NOA1: variants seen among roughly 807,000 people sequenced by gnomAD.
The protein encoded by NOA1 is nitric oxide associated 1.
NOA1 carries 35 observed loss-of-function variants against 58.4 expected under a neutral mutation model. The ratio of observed to expected loss-of-function variants is 0.60; its 90% CI spans 0.46 to 0.79. The LOEUF is 0.79. Among genes scored for constraint, NOA1 ranks in the 30% least tolerant of loss-of-function variants. The pLI, the probability that NOA1 is intolerant of heterozygous loss-of-function variation, is 0.00. For missense variants in NOA1, 895 were observed against 894.6 expected, an observed-to-expected ratio of 1.00 and a Z score of -0.01; for synonymous variants, 397 against 373.4, an observed-to-expected ratio of 1.06 and a Z score of -0.73.
Position 56,976,804 on chromosome 4 carries a change from C to T in NOA1, c.782G>A (p.Arg261Gln), listed in dbSNP as rs750939357. The T allele has an allele frequency of 1.2e-6, 2 of 1,610,692 alleles. No homozygotes were observed. The highest frequency in any genetic ancestry group is 1.7e-6 in the Non-Finnish European group (2 of 1,178,088). ...DLLPQDAPGY[R>Q]QRLRERLWED... ...CCACAGTCGCTCCCGCAGCCTCTGCCGGTAGCCAGGAGCATCCTGGGGCAG... is the reference window on the plus strand; with the variant it reads ...CCACAGTCGCTCCCGCAGCCTCTGCTGGTAGCCAGGAGCATCCTGGGGCAG... Residue 261 changes from arginine (R) to glutamine (Q), a missense_variant, in exon 1 of 7, where the codon CGG becomes CAG. Coordinates refer to ENST00000264230, the MANE Select transcript of NOA1 (RefSeq NM_032313.4).
Position 56,977,496 on chromosome 4 carries a change from C to G in NOA1, c.90G>C (p.Pro30=). 12 of 1,613,680 alleles carry G rather than the reference C, an allele frequency of 7.4e-6. No homozygotes were observed. Among genetic ancestry groups the G allele is most frequent in the Non-Finnish European group, 9.3e-6 (11 of 1,179,994 alleles). Reference sequence around the variant, plus strand: ...CGGCAGCGCACCTCCTCTCCAGGAGCGGCTCCCGGAGGCCATGGCGCGCTG... The same window carrying G: ...CGGCAGCGCACCTCCTCTCCAGGAGGGGCTCCCGGAGGCCATGGCGCGCTG... ...PTAARHGLRE[P]LLERRCAAAS... Residue 30 remains proline (P), a synonymous_variant, in exon 1 of 7, where the codon CCG becomes CCC. Transcript: ENST00000264230.
chr4:56,970,697 A>G (rs543652255), intron 3 of NOA1, among the ~76,000 whole-genome samples: 1 of 152,120 alleles, frequency 6.6e-6, no homozygotes, highest in East Asian at 2.0e-4. Context: ...CCTGGGCTCA[A>G]GCAATCCTCC....
chr4:56,966,566 G>T, intron 5 of NOA1, 54 bp downstream of exon 5: 1 of 1,041,110 alleles, frequency 9.6e-7, no homozygotes, highest in South Asian at 1.3e-5. Context: ...AGAGCTATGG[G>T]ACCATCCCAG....
rs748684700 is a variant in NOA1 at position 56,976,438 on chromosome 4, T to C, written c.1144+4A>G. 1.9e-6 allele frequency: 3 copies of C among 1,609,790 alleles called. No individual in the cohort carries two copies. In the African/African-American group the frequency reaches 4.0e-5, roughly 22 times the overall value. ...ACGAAGAGGGCGAGCCTCCTAAAAC[T>C]CACCTGGCCAAGGGGAGATGGTGGC... is the stretch of plus-strand genomic sequence containing the variant. On this transcript the variant is annotated splice_donor_region_variant and intron_variant, in intron 1 of 6. Transcript: ENST00000264230.
At chr4:56,969,937 T>C (rs989059249) in intron 3 of NOA1, among the ~76,000 whole-genome samples, 2 of 136,310 alleles carry the variant, frequency 1.5e-5, no homozygotes, top group African/African-American at 2.8e-5. Context: ...TGCGCCACCA[T>C]GCTTGGCTAA....
intron 3 of NOA1, among the ~76,000 whole-genome samples, chr4:56,969,298 C>T (rs760233924): frequency 3.3e-5 from 5 of 152,318 alleles, no homozygotes; most frequent in Non-Finnish European, 5.9e-5. Context: ...AGAGGCTGGG[C>T]GCGGTGGCTC....
chr4:56,968,200 G>A (rs1366153322), intron 4 of NOA1, among the ~76,000 whole-genome samples, 184 bp downstream of exon 4: 1 of 152,158 alleles, frequency 6.6e-6, no homozygotes, highest in Non-Finnish European at 1.5e-5. Context: ...TTACAGGTGT[G>A]AGCCACTGTG....
chr4:56,976,770 A>T lies in NOA1; in HGVS notation c.816T>A (p.Cys272Ter). The change falls in exon 1 of 7, where the codon TGT (cysteine) becomes TGA (stop). Residue 272 changes from cysteine to a stop codon, truncating the protein, a stop_gained. Coordinates refer to ENST00000264230, the MANE Select transcript of NOA1 (RefSeq NM_032313.4). LOFTEE classifies it high-confidence loss of function. ...QRLRERLWED[C>*]ARAGLLLAPG... ...GGGCCAGCAGGAGCCCGGCGCGGGCACAGTCCTCCCACAGTCGCTCCCGCA... is the reference window on the plus strand; with the variant it reads ...GGGCCAGCAGGAGCCCGGCGCGGGCTCAGTCCTCCCACAGTCGCTCCCGCA... The T allele has an allele frequency of 6.2e-7, 1 of 1,609,502 alleles. No homozygotes were observed. Among genetic ancestry groups the T allele is most frequent in the Non-Finnish European group, 8.5e-7 (1 of 1,177,350 alleles).
rs1475293574 is a variant in NOA1 at position 56,976,814 on chromosome 4, G to A, written c.772C>T (p.Pro258Ser). Residue 258 changes from proline to serine, a missense_variant, in exon 1 of 7, where the codon CCT (proline) becomes TCT (serine). By Grantham distance (74) the Pro-to-Ser change is moderately conservative. This residue lies in a region of NOA1 where 680 missense variants were observed against 656.5 expected (regional missense o/e 1.04). Coordinates refer to ENST00000264230, the MANE Select transcript of NOA1 (RefSeq NM_032313.4). Reference protein sequence around the residue: ...NKVDLLPQDAPGYRQRLRERL... With the variant: ...NKVDLLPQDASGYRQRLRERL... ...TCCCGCAGCCTCTGCCGGTAGCCAGGAGCATCCTGGGGCAGGAGGTCCACT... is the reference window on the plus strand; with the variant it reads ...TCCCGCAGCCTCTGCCGGTAGCCAGAAGCATCCTGGGGCAGGAGGTCCACT... The A allele has an allele frequency of 1.2e-6, 2 of 1,611,532 alleles. No individual in the cohort carries two copies. The highest frequency in any genetic ancestry group is 1.7e-6 in the Non-Finnish European group (2 of 1,178,634).
At chr4:56,966,023 T>TC (rs1721700660) in intron 5 of NOA1, among the ~76,000 whole-genome samples, 2 of 137,956 alleles carry the variant, frequency 1.4e-5, no homozygotes, top group Non-Finnish European at 3.1e-5. Flanking sequence ...ATTTTCTTTT[T>TC]TTTTTTTTTT....
chr4:56,976,894 AGCAGGG>A lies in NOA1; in HGVS notation c.686_691del (p.Ala229_Leu231delinsVal). The A allele has an allele frequency of 6.2e-7, 1 of 1,612,840 alleles. No homozygotes were observed. The highest frequency in any genetic ancestry group is 8.5e-7 in the Non-Finnish European group (1 of 1,179,824). ...GCCCACCAGCGCGGGCAAGTCGGGC[AGCAGGG>A]CGTCGGGCAGGTCCAGCAGGTCCAC... On this transcript the variant is annotated inframe_deletion, in exon 1 of 7. Transcript: ENST00000264230.
At position 56,976,822 on chromosome 4, in the gene NOA1, T is replaced by TG; in HGVS notation, c.763dup (p.Gln255ProfsTer102). On this transcript the variant is annotated frameshift_variant, in exon 1 of 7. Coordinates refer to ENST00000264230, the MANE Select transcript of NOA1 (RefSeq NM_032313.4). LOFTEE classifies it high-confidence loss of function. ...CCTCTGCCGGTAGCCAGGAGCATCCTGGGGCAGGAGGTCCACTTTGTTTCC... is the reference window on the plus strand; with the variant it reads ...CCTCTGCCGGTAGCCAGGAGCATCCTGGGGGCAGGAGGTCCACTTTGTTTCC... 6.2e-7 allele frequency: 1 copy of TG among 1,612,290 alleles called. No homozygotes were observed. The highest frequency in any genetic ancestry group is 8.5e-7 in the Non-Finnish European group (1 of 1,179,242).
Position 56,976,440 on chromosome 4 carries a change from A to T in NOA1, c.1144+2T>A. 1.2e-6 allele frequency: 2 copies of T among 1,610,594 alleles called. No individual in the cohort carries two copies. Among genetic ancestry groups the T allele is most frequent in the Non-Finnish European group, 1.7e-6 (2 of 1,177,358 alleles). Reference sequence around the variant, plus strand: ...GAAGAGGGCGAGCCTCCTAAAACTCACCTGGCCAAGGGGAGATGGTGGCTC... The same window carrying T: ...GAAGAGGGCGAGCCTCCTAAAACTCTCCTGGCCAAGGGGAGATGGTGGCTC... On this transcript the variant is annotated splice_donor_variant, in intron 1 of 6. Transcript: ENST00000264230. LOFTEE classifies it high-confidence loss of function.
chr4:56,972,308 A>G (rs1721824623), intron 3 of NOA1, among the ~76,000 whole-genome samples: 1 of 152,258 alleles, frequency 6.6e-6, no homozygotes, highest in Non-Finnish European at 1.5e-5. Flanking sequence ...TGTTTCCTAC[A>G]GCACAGCTGT....
At chr4:56,971,087 T>G (rs1048731470) in intron 3 of NOA1, among the ~76,000 whole-genome samples, 1 of 151,758 alleles carries the variant, frequency 6.6e-6, no homozygotes, top group African/African-American at 2.4e-5. Context: ...CTGAAGTGGG[T>G]GGATTACCTG....
Position 56,973,762 on chromosome 4 carries a change from C to A in NOA1, c.1309+96G>T, listed in dbSNP as rs547516451. ...GAATAAGGAAGGCAGTCTCTCCCCA[C>A]AAAAACTGGCTAGCCTCGGACAGCT... On this transcript the variant is annotated intron_variant, in intron 2 of 6. Transcript: ENST00000264230. 3.1e-4 allele frequency: 393 copies of A among 1,275,204 alleles called. 3 individuals carry two copies. The East Asian group carries it at 9.1e-3, about 29-fold the overall frequency. 79.0% of individuals were successfully genotyped at this position (1,275,204 alleles called of 1,614,324 possible).
chr4:56,977,581 A>T lies in NOA1; in HGVS notation c.5T>A (p.Leu2Gln), dbSNP rs774738644. The T allele has an allele frequency of 6.3e-7, 1 of 1,576,922 alleles. No homozygotes were observed. Among genetic ancestry groups the T allele is most frequent in the South Asian group, 1.1e-5 (1 of 88,250 alleles). The change falls in exon 1 of 7, where the codon CTG becomes CAG. Residue 2 changes from leucine (L) to glutamine (Q), a missense_variant. Coordinates refer to ENST00000264230, the MANE Select transcript of NOA1 (RefSeq NM_032313.4). M[L>Q]PARLPFRLLS... is the part of the protein sequence containing the mutation. ...CAGCCTGAACGGTAGGCGAGCGGGCAGCATGAGGAAGTAGCTCCAAAGGGG... is the reference window on the plus strand; with the variant it reads ...CAGCCTGAACGGTAGGCGAGCGGGCTGCATGAGGAAGTAGCTCCAAAGGGG...
chr4:56,966,810 A>C (rs1349408393), intron 4 of NOA1, 74 bp from the exon 5 acceptor site: 1 of 923,886 alleles, frequency 1.1e-6, no homozygotes, highest in Non-Finnish European at 1.7e-6. Flanking sequence ...CAATCAACTA[A>C]AAAAAAAACA....
intron 3 of NOA1, among the ~76,000 whole-genome samples, chr4:56,969,772 T>G (rs1355564528): frequency 6.6e-6 from 1 of 151,994 alleles, no homozygotes; most frequent in Non-Finnish European, 1.5e-5. Flanking sequence ...GCAGATCACT[T>G]GAGCTCAGGA....
Sources: gnomAD v4.1 joint callset for allele counts (sites outside exome capture counted in the v4.1 genomes callset) on GRCh38, gnomAD v4.1.1 for gene constraint, gnomAD v4.1.1 regional missense constraint, MANE v1.5 for transcripts, NCBI Gene and HGNC (gene_info 2026-07-23, HGNC 2026-07-21) for gene names.